The following AXDND1 variants were observed in gnomAD, a reference collection of about 807,000 sequenced individuals.
AXDND1 encodes the protein axonemal dynein light chain domain-containing protein 1.
AXDND1 carries 110 observed loss-of-function variants against 137.5 expected under a neutral mutation model. The observed-to-expected ratio is 0.80, with a 90% CI of 0.69 to 0.94. AXDND1 has a LOEUF of 0.94. AXDND1 is among the 40% of genes least tolerant of loss of function. The pLI, the probability that AXDND1 is intolerant of heterozygous loss-of-function variation, is 0.00. For missense variants in AXDND1, 1,191 were observed against 1,169.8 expected (o/e 1.02, Z -0.26); for synonymous variants, 414 against 399.7 (o/e 1.04, Z -0.43).
At chr1:179,396,423 G>A (rs1558118899) in intron 11 of AXDND1, among the ~76,000 whole-genome samples, 1 of 152,240 alleles carries the variant, frequency 6.6e-6, no homozygotes, top group East Asian at 1.9e-4. Flanking sequence ...GCCGAGGTGG[G>A]TGGATGATGA....
chr1:179,534,274 C>T (rs565291842), intron 24 of AXDND1, among the ~76,000 whole-genome samples: 7 of 152,266 alleles, frequency 4.6e-5, no homozygotes, highest in South Asian at 4.1e-4. Flanking sequence ...AGGAGAAGAG[C>T]GTAGCCATGT....
intron 17 of AXDND1, among the ~76,000 whole-genome samples, chr1:179,473,616 A>T (rs72721222): frequency 0.31 from 47,088 of 152,014 alleles, 7,829 homozygotes; most frequent in Middle Eastern, 0.42. Flanking sequence ...TGCACATTAC[A>T]TCTCTTAATA....
intron 18 of AXDND1, among the ~76,000 whole-genome samples, chr1:179,488,684 TTTC>T (rs1666460025): frequency 7.5e-6 from 1 of 132,858 alleles, no homozygotes; most frequent in Non-Finnish European, 1.6e-5. Flanking sequence ...TCTTTCTTTC[TTTC>T]TTTCTTTCTT....
At chr1:179,406,677 T>G (rs1653020612) in intron 11 of AXDND1, among the ~76,000 whole-genome samples, 1 of 152,204 alleles carries the variant, frequency 6.6e-6, no homozygotes, top group Admixed American at 6.5e-5. Flanking sequence ...TAAGTACTCC[T>G]GCTTGCTTTG....
At chr1:179,380,480 T>A (rs1351490175) in intron 6 of AXDND1, among the ~76,000 whole-genome samples, 3 of 152,204 alleles carry the variant, frequency 2.0e-5, no homozygotes, top group Non-Finnish European at 4.4e-5. Context: ...TGAGCCAGCA[T>A]CTCATAATCC....
rs1231980825 is a variant in AXDND1 at position 179,489,432 on chromosome 1, C to CA, written c.2092-2101dup. ...AGGATTGATTAATATTTTATGTAAG[C>CA]AAAAATGAGTTGTTTCAATGATAGT... On this transcript the variant is annotated intron_variant, in intron 18 of 25. Coordinates refer to ENST00000367618, the MANE Select transcript of AXDND1 (RefSeq NM_144696.6). Among the ~76,000 whole-genome samples the CA allele has an allele frequency of 2.0e-5, 3 of 151,878 alleles. No individual in the cohort carries two copies. In the East Asian group the frequency reaches 5.8e-4, roughly 29 times the overall value.
At chr1:179,465,832 T>C (rs1352762120) in intron 16 of AXDND1, among the ~76,000 whole-genome samples, 1 of 152,044 alleles carries the variant, frequency 6.6e-6, no homozygotes, top group East Asian at 1.9e-4. Context: ...CGGACGCCCC[T>C]CCCCCAGCCT....
chr1:179,496,995 G>A (rs1318602712), intron 20 of AXDND1, among the ~76,000 whole-genome samples: 2 of 152,050 alleles, frequency 1.3e-5, no homozygotes, highest in Non-Finnish European at 2.9e-5. Context: ...AAATATTTGA[G>A]TATTTTCCAG....
chr1:179,380,348 A>G (rs565655220), intron 6 of AXDND1, among the ~76,000 whole-genome samples: 1 of 152,210 alleles, frequency 6.6e-6, no homozygotes, highest in Non-Finnish European at 1.5e-5. Context: ...TAAATTATTC[A>G]TATTTTTTCC....
intron 25 of AXDND1, among the ~76,000 whole-genome samples, chr1:179,536,453 G>A (rs7416021): frequency 0.88 from 133,282 of 152,184 alleles, 58,531 homozygotes; most frequent in East Asian, 0.96. Flanking sequence ...TCCCAACACC[G>A]TTTATTAAAT....
At chr1:179,487,245 C>T (rs1666180513) in intron 18 of AXDND1, among the ~76,000 whole-genome samples, 1 of 148,410 alleles carries the variant, frequency 6.7e-6, no homozygotes, top group South Asian at 2.1e-4. Flanking sequence ...CATTGTTTTT[C>T]CTTTGCCTCC....
intron 20 of AXDND1, among the ~76,000 whole-genome samples, chr1:179,508,004 C>G (rs1275339535): frequency 6.6e-6 from 1 of 152,154 alleles, no homozygotes; most frequent in African/African-American, 2.4e-5. Flanking sequence ...TCTTTATCTA[C>G]AACATATGGA....
chr1:179,440,256 A>G (rs1361919502), intron 15 of AXDND1, among the ~76,000 whole-genome samples: 1 of 152,208 alleles, frequency 6.6e-6, no homozygotes, highest in Admixed American at 6.5e-5. Flanking sequence ...TGAAAAGCAT[A>G]CTAGTATAAG....
chr1:179,522,554 G>C (rs1229152114), intron 21 of AXDND1, among the ~76,000 whole-genome samples: 1 of 151,876 alleles, frequency 6.6e-6, no homozygotes, highest in African/African-American at 2.4e-5. Context: ...TGAAATAATG[G>C]AATTCTATGC....
At chr1:179,495,727 T>G (rs935471391) in intron 20 of AXDND1, among the ~76,000 whole-genome samples, 2 of 151,940 alleles carry the variant, frequency 1.3e-5, no homozygotes, top group African/African-American at 4.8e-5. Flanking sequence ...TAAGACTGTA[T>G]AATACTAGGT....
intron 16 of AXDND1, among the ~76,000 whole-genome samples, chr1:179,462,640 C>A (rs1394992063): frequency 3.3e-5 from 5 of 152,178 alleles, no homozygotes; most frequent in Non-Finnish European, 7.3e-5. Context: ...CCTCTTTGTA[C>A]CTCTGGTAGA....
intron 22 of AXDND1, among the ~76,000 whole-genome samples, chr1:179,527,584 C>T (rs1670649919): frequency 6.6e-6 from 1 of 152,102 alleles, no homozygotes. Context: ...AGCTGATCAC[C>T]AGCCTTTATA....
intron 20 of AXDND1, among the ~76,000 whole-genome samples, chr1:179,506,661 C>T (rs560125430): frequency 1.6e-3 from 237 of 152,128 alleles, no homozygotes; most frequent in Admixed American, 3.1e-3. Flanking sequence ...GCCTAGGAGG[C>T]GGAGGTTGCA....
At chr1:179,457,061 C>G in intron 16 of AXDND1, 1 of 1,425,948 alleles carries the variant, frequency 7.0e-7, no homozygotes, top group South Asian at 1.1e-5. Flanking sequence ...AGAATCTTCT[C>G]TTGAGACAGC....
Sources: gnomAD v4.1 joint callset for allele counts (sites outside exome capture counted in the v4.1 genomes callset) on GRCh38, gnomAD v4.1.1 for gene constraint, MANE v1.5 for transcripts, NCBI Gene and HGNC (gene_info 2026-07-23, HGNC 2026-07-21) for gene names.